KAZN: variants seen among roughly 807,000 people sequenced by gnomAD.
The protein encoded by KAZN is kazrin.
Under a neutral mutation model 87.4 loss-of-function variants are expected in KAZN, and 40 were observed. That is an observed-to-expected ratio of 0.46 (90% CI 0.36 to 0.60). The LOEUF is 0.60. Among genes scored for constraint, KAZN ranks in the 20% least tolerant of loss-of-function variants. The probability of loss-of-function intolerance (pLI) is 0.00; values close to 1 mark genes in which losing one functional copy is unlikely to be tolerated. For synonymous variants in KAZN, 466 were observed against 458.3 expected, an observed-to-expected ratio of 1.02 and a Z score of -0.22; for missense variants, 898 against 1,073.9, an observed-to-expected ratio of 0.84 and a Z score of 2.29.
intron 2 of KAZN, among the ~76,000 whole-genome samples, chr1:14,316,975 C>T (rs1437497237): frequency 1.3e-5 from 2 of 151,908 alleles, no homozygotes; most frequent in Non-Finnish European, 2.9e-5. Context: ...GTGAATATTA[C>T]ATATGGACTT....
chr1:14,847,111 C>T lies in KAZN; in HGVS notation c.227-113573C>T, dbSNP rs188119355. The stretch of plus-strand genomic sequence containing the variant: ...TTGAAGGACAAATCATTGCTGTTTT[C>T]GTTTGTGTTTCTAGCACAATAAAAA... On this transcript the variant is annotated intron_variant, in intron 1 of 14. Coordinates refer to ENST00000376030, the MANE Select transcript of KAZN (RefSeq NM_201628.3). 4.8e-3 allele frequency among the ~76,000 whole-genome samples: 738 copies of T among 152,266 alleles called. 7 individuals are homozygous for T. The highest frequency in any genetic ancestry group is 7.1e-3 in the Admixed American group (108 of 15,296).
At chr1:14,851,848 G>C (rs1275874596) in intron 1 of KAZN, among the ~76,000 whole-genome samples, 1 of 152,146 alleles carries the variant, frequency 6.6e-6, no homozygotes, top group Non-Finnish European at 1.5e-5. Context: ...TGTAGCGATC[G>C]CTCCACTAAC....
At chr1:14,330,438 G>A (rs1160267680) in intron 2 of KAZN, among the ~76,000 whole-genome samples, 1 of 152,144 alleles carries the variant, frequency 6.6e-6, no homozygotes, top group Non-Finnish European at 1.5e-5. Flanking sequence ...AGGAGAAGAA[G>A]CATTTTACTG....
At chr1:14,984,358 C>T (rs1666560299) in intron 2 of KAZN, among the ~76,000 whole-genome samples, 1 of 151,824 alleles carries the variant, frequency 6.6e-6, no homozygotes, top group East Asian at 1.9e-4. Flanking sequence ...GCCTGGGAAA[C>T]AGGCAAGACT....
At chr1:15,102,596 A>G (rs1641115401) in intron 11 of KAZN, among the ~76,000 whole-genome samples, 1 of 152,186 alleles carries the variant, frequency 6.6e-6, no homozygotes, top group African/African-American at 2.4e-5. Flanking sequence ...ATTCAGGGTC[A>G]GAAGAGGGAC....
intron 1 of KAZN, among the ~76,000 whole-genome samples, chr1:14,658,955 C>T (rs10927485): frequency 0.075 from 11,353 of 152,212 alleles, 1,426 homozygotes; most frequent in African/African-American, 0.26. Flanking sequence ...GCTGCCAGGG[C>T]TGGGAGCAAT....
At chr1:14,446,761 C>T (rs1405906753) in intron 2 of KAZN, among the ~76,000 whole-genome samples, 2 of 152,106 alleles carry the variant, frequency 1.3e-5, no homozygotes, top group East Asian at 3.9e-4. Context: ...CCTTTGCCAC[C>T]ATCACAATTG....
chr1:15,006,586 ATACC>A (rs1669025758), intron 2 of KAZN, among the ~76,000 whole-genome samples: 7 of 152,252 alleles, frequency 4.6e-5, no homozygotes, highest in Admixed American at 4.6e-4. Flanking sequence ...TATTTACTGA[ATACC>A]TACTATGTTC....
chr1:14,722,239 A>C (rs183451739), intron 1 of KAZN, among the ~76,000 whole-genome samples: 1 of 152,220 alleles, frequency 6.6e-6, no homozygotes, highest in African/African-American at 2.4e-5. Context: ...ACATTTAAGC[A>C]AATTTCCATG....
At chr1:15,104,822 A>G (rs978873001) in intron 13 of KAZN, among the ~76,000 whole-genome samples, 1 of 152,232 alleles carries the variant, frequency 6.6e-6, no homozygotes, top group Non-Finnish European at 1.5e-5. Context: ...TGGCAATGTC[A>G]AGAGATCAGT....
At chr1:15,086,123 A>G (rs1433186788) in intron 8 of KAZN, among the ~76,000 whole-genome samples, 1 of 151,980 alleles carries the variant, frequency 6.6e-6, no homozygotes, top group Non-Finnish European at 1.5e-5. Flanking sequence ...GGCGCCCCCG[A>G]CCACGCCCGG....
intron 1 of KAZN, among the ~76,000 whole-genome samples, chr1:14,698,726 C>T (rs1641758157): frequency 6.6e-5 from 10 of 152,236 alleles, no homozygotes; most frequent in Admixed American, 6.5e-4. Context: ...CAGCACCAGC[C>T]CGTTTCATAT....
chr1:14,278,274 A>G lies in KAZN; in HGVS notation c.249+97682A>G, dbSNP rs1227486009. ...CATAACAGTATCTTTATCACACCTG[A>G]AAATTAGCACTGATTCCTTTTTTTT... On this transcript the variant is annotated intron_variant, in intron 2 of 16. Transcript: ENST00000636203. Among the ~76,000 whole-genome samples the G allele has an allele frequency of 2.0e-5, 3 of 150,938 alleles. No homozygotes were observed. The East Asian group carries it at 5.8e-4, about 29-fold the overall frequency.
intron 2 of KAZN, among the ~76,000 whole-genome samples, chr1:14,312,606 G>T (rs6664943): frequency 0.48 from 73,344 of 151,942 alleles, 18,811 homozygotes; most frequent in African/African-American, 0.66. Context: ...ATAATATATA[G>T]AAACACCCTT....
chr1:14,125,360 C>T (rs1340022761), intron 1 of KAZN, among the ~76,000 whole-genome samples: 4 of 152,208 alleles, frequency 2.6e-5, no homozygotes, highest in Non-Finnish European at 4.4e-5. Flanking sequence ...CCTAGCCAAA[C>T]ATTCCCCAGG....
At chr1:14,807,850 A>C (rs1005336539) in intron 1 of KAZN, among the ~76,000 whole-genome samples, 2 of 152,048 alleles carry the variant, frequency 1.3e-5, no homozygotes. Context: ...CTATTTCCCC[A>C]CCCAGACACA....
chr1:14,319,567 C>G (rs968865962), intron 2 of KAZN, among the ~76,000 whole-genome samples: 6 of 152,176 alleles, frequency 3.9e-5, no homozygotes, highest in Non-Finnish European at 8.8e-5. Flanking sequence ...CGAACTCAAC[C>G]CTCAGATTCT....
chr1:14,426,479 G>T (rs1665731410), intron 2 of KAZN, among the ~76,000 whole-genome samples: 1 of 152,174 alleles, frequency 6.6e-6, no homozygotes, highest in African/African-American at 2.4e-5. Context: ...ACACTGCCAT[G>T]GTACATGGAA....
chr1:14,475,637 TA>T (rs1352345274), intron 2 of KAZN, among the ~76,000 whole-genome samples: 5 of 152,244 alleles, frequency 3.3e-5, no homozygotes, highest in African/African-American at 1.2e-4. Context: ...TGTTATAAAC[TA>T]TTCAGTATTT....
Sources: gnomAD v4.1 joint callset for allele counts (sites outside exome capture counted in the v4.1 genomes callset) on GRCh38, gnomAD v4.1.1 for gene constraint, MANE v1.5 for transcripts, NCBI Gene and HGNC (gene_info 2026-07-23, HGNC 2026-07-21) for gene names.